The following ZNF385D variants were observed in gnomAD, a reference collection of about 807,000 sequenced individuals.
The protein encoded by ZNF385D is zinc finger protein 385D.
Under a neutral mutation model 35.8 loss-of-function variants are expected in ZNF385D, and 15 were observed. The observed-to-expected ratio is 0.42, with a 90% confidence interval of 0.28 to 0.64. The LOEUF (loss-of-function observed/expected upper bound fraction) is 0.64. ZNF385D is among the 30% of genes least tolerant of loss of function. The pLI is 0.23. For synonymous variants in ZNF385D, 212 were observed against 186.8 expected, an observed-to-expected ratio of 1.13 and a Z score of -1.10; for missense variants, 474 against 494.6, an observed-to-expected ratio of 0.96 and a Z score of 0.39.
chr3:22,031,582 G>A (rs920253162), intron 3 of ZNF385D, among the ~76,000 whole-genome samples: 5 of 152,150 alleles, frequency 3.3e-5, no homozygotes, highest in African/African-American at 7.2e-5. Context: ...ACAGAGCAGC[G>A]TGTCCCTGGA....
At chr3:22,269,827 C>T (rs1406575488) in intron 2 of ZNF385D, among the ~76,000 whole-genome samples, 1 of 151,822 alleles carries the variant, frequency 6.6e-6, no homozygotes, top group African/African-American at 2.4e-5. Flanking sequence ...TCAATGCTAA[C>T]TCCAAGCCCT....
chr3:22,235,645 AAAAC>A (rs1699136809), intron 2 of ZNF385D, among the ~76,000 whole-genome samples: 1 of 152,138 alleles, frequency 6.6e-6, no homozygotes, highest in Admixed American at 6.5e-5. Context: ...TTAAAAAGGA[AAAAC>A]AAACATAAAA....
intron 2 of ZNF385D, among the ~76,000 whole-genome samples, chr3:22,320,522 T>C (rs954017297): frequency 1.3e-5 from 2 of 151,596 alleles, no homozygotes; most frequent in Non-Finnish European, 2.9e-5. Flanking sequence ...TGAGGAAATA[T>C]TTATTAGATT....
chr3:21,697,836 C>T (rs558993259), intron 1 of ZNF385D, among the ~76,000 whole-genome samples: 15 of 152,156 alleles, frequency 9.9e-5, no homozygotes, highest in African/African-American at 3.4e-4. Context: ...GACCTGAAAA[C>T]ATATGAAAAA....
At chr3:22,260,536 T>C (rs1700574612) in intron 2 of ZNF385D, among the ~76,000 whole-genome samples, 1 of 151,966 alleles carries the variant, frequency 6.6e-6, no homozygotes. Flanking sequence ...TACATTAGAA[T>C]TGATTTTGAT....
chr3:22,273,444 T>C (rs1701276757), intron 2 of ZNF385D, among the ~76,000 whole-genome samples: 1 of 151,998 alleles, frequency 6.6e-6, no homozygotes, highest in South Asian at 2.1e-4. Flanking sequence ...CTGAAGATAT[T>C]TCTGGGTGGT....
chr3:21,934,268 T>C (rs1206610866), intron 3 of ZNF385D, among the ~76,000 whole-genome samples: 1 of 152,160 alleles, frequency 6.6e-6, no homozygotes, highest in African/African-American at 2.4e-5. Flanking sequence ...TGGGAAGATA[T>C]TTAGAGTGAA....
intron 3 of ZNF385D, among the ~76,000 whole-genome samples, chr3:21,881,135 C>T (rs902849086): frequency 4.0e-5 from 6 of 151,864 alleles, no homozygotes; most frequent in Non-Finnish European, 7.4e-5. Flanking sequence ...GAAGACTTAG[C>T]TAAGGTCATT....
At chr3:22,017,710 C>T (rs1483945479) in intron 3 of ZNF385D, among the ~76,000 whole-genome samples, 1 of 151,820 alleles carries the variant, frequency 6.6e-6, no homozygotes, top group Non-Finnish European at 1.5e-5. Flanking sequence ...CAGCAATGTC[C>T]TAAATTTATA....
intron 2 of ZNF385D, among the ~76,000 whole-genome samples, chr3:22,199,735 A>G (rs529532459): frequency 1.3e-5 from 2 of 152,234 alleles, no homozygotes; most frequent in Non-Finnish European, 2.9e-5. Context: ...TAAAGGGCTA[A>G]ATCTAAATGA....
Position 21,514,167 on chromosome 3 carries a change from A to G in ZNF385D, c.277-3144T>C, listed in dbSNP as rs1256387392. Among the ~76,000 whole-genome samples, 3 of 152,130 alleles carry G rather than the reference A, an allele frequency of 2.0e-5. No homozygotes were observed. In the East Asian group the frequency reaches 5.8e-4, roughly 29 times the overall value. Reference sequence around the variant, plus strand: ...CATATACTAGCACAACAAATTCCCTAAGAGATTGTGTCTTATTATTTATCA... The same window carrying G: ...CATATACTAGCACAACAAATTCCCTGAGAGATTGTGTCTTATTATTTATCA... On this transcript the variant is annotated intron_variant, in intron 3 of 7. Transcript: ENST00000281523.
At chr3:21,840,635 C>T (rs115330684) in intron 3 of ZNF385D, among the ~76,000 whole-genome samples, 3 of 151,960 alleles carry the variant, frequency 2.0e-5, no homozygotes, top group Admixed American at 6.6e-5. Context: ...AGCTGGAAAC[C>T]GTTGCTTCGG....
chr3:21,926,013 C>G (rs1700707134), intron 3 of ZNF385D, among the ~76,000 whole-genome samples: 1 of 152,088 alleles, frequency 6.6e-6, no homozygotes, highest in South Asian at 2.1e-4. Flanking sequence ...ATCTGGATCA[C>G]TTATACGTGG....
At chr3:21,792,013 G>C (rs1279045988) in intron 3 of ZNF385D, among the ~76,000 whole-genome samples, 1 of 152,156 alleles carries the variant, frequency 6.6e-6, no homozygotes, top group African/African-American at 2.4e-5. Flanking sequence ...GATTCCAGGC[G>C]TGAGCCACTG....
At chr3:21,840,219 G>T (rs1473313659) in intron 3 of ZNF385D, among the ~76,000 whole-genome samples, 1 of 151,994 alleles carries the variant, frequency 6.6e-6, no homozygotes, top group Non-Finnish European at 1.5e-5. Flanking sequence ...TAGTATGTAA[G>T]TATTACACAT....
At chr3:21,751,967 T>G, upstream of ZNF385D, among the ~76,000 whole-genome samples, 1 of 146,926 alleles carries the variant, frequency 6.8e-6, no homozygotes, top group Admixed American at 6.8e-5. Context: ...ATAGTTAGAG[T>G]CCAGTCACCA....
intron 2 of ZNF385D, among the ~76,000 whole-genome samples, chr3:21,641,760 CAAAG>C (rs1233309144): frequency 1.3e-5 from 2 of 150,434 alleles, no homozygotes; most frequent in East Asian, 2.0e-4. Flanking sequence ...ACAGGAGAGA[CAAAG>C]AAATTATTTA....
intron 3 of ZNF385D, among the ~76,000 whole-genome samples, chr3:22,074,027 G>A (rs1462821840): frequency 6.6e-6 from 1 of 151,798 alleles, no homozygotes; most frequent in Non-Finnish European, 1.5e-5. Flanking sequence ...TATGTCCAGG[G>A]ATCTTAAAAT....
chr3:22,131,137 G>A (rs1414791524), intron 3 of ZNF385D, among the ~76,000 whole-genome samples: 1 of 152,078 alleles, frequency 6.6e-6, no homozygotes, highest in African/African-American at 2.4e-5. Flanking sequence ...AAAAAACAAA[G>A]AAGAATTCCA....
Sources: allele counts gnomAD v4.1 joint callset (sites outside exome capture counted in the v4.1 genomes callset), GRCh38; gene constraint gnomAD v4.1.1; transcripts MANE v1.5; gene names NCBI Gene and HGNC (gene_info 2026-07-23, HGNC 2026-07-21).